Variants in EXOC4 observed in about 807,000 individuals in gnomAD.
EXOC4 encodes the protein exocyst complex component 4.
A neutral mutation model predicts 107.2 loss-of-function variants in EXOC4; 71 were observed. The observed-to-expected ratio is 0.66, with a 90% CI of 0.55 to 0.81. EXOC4 has a LOEUF of 0.81. Among genes scored for constraint, EXOC4 ranks in the 30% least tolerant of loss-of-function variants. EXOC4 has a pLI of 0.00. For missense variants in EXOC4, 1,108 were observed against 1,189.6 expected, an observed-to-expected ratio of 0.93 and a Z score of 1.01; for synonymous variants, 456 against 441.2, an observed-to-expected ratio of 1.03 and a Z score of -0.42.
chr7:133,882,979 A>G (rs572336908), intron 11 of EXOC4, among the ~76,000 whole-genome samples: 3 of 152,278 alleles, frequency 2.0e-5, no homozygotes, highest in South Asian at 2.1e-4. Flanking sequence ...GAATTTTTCC[A>G]TACATTTTTA....
chr7:133,914,707 T>A (rs1585244768), intron 12 of EXOC4, among the ~76,000 whole-genome samples: 1 of 152,234 alleles, frequency 6.6e-6, no homozygotes, highest in South Asian at 2.1e-4. Flanking sequence ...AAGAGGCAAA[T>A]GCAGACTACG....
At chr7:133,281,309 T>A (rs1231864941) in intron 2 of EXOC4, among the ~76,000 whole-genome samples, 6 of 134,782 alleles carry the variant, frequency 4.5e-5, no homozygotes, top group African/African-American at 5.6e-5. Flanking sequence ...AATAAATAAA[T>A]AAAAAGAAAA....
intron 17 of EXOC4, among the ~76,000 whole-genome samples, chr7:134,026,430 A>T (rs1795138752): frequency 6.6e-6 from 1 of 151,372 alleles, no homozygotes; most frequent in East Asian, 1.9e-4. Flanking sequence ...CAAATCACCC[A>T]CCTGCACCTG....
At chr7:133,661,672 T>TAAAAAA (rs1177627198) in intron 10 of EXOC4, among the ~76,000 whole-genome samples, 137 of 13,316 alleles carry the variant, frequency 0.01, 1 homozygote, top group Non-Finnish European at 0.013. Context: ...TCCTTAAAAC[T>TAAAAAA]AAAAAAAAAA....
intron 10 of EXOC4, among the ~76,000 whole-genome samples, chr7:133,737,535 C>T (rs1795469524): frequency 6.6e-6 from 1 of 151,844 alleles, no homozygotes; most frequent in Non-Finnish European, 1.5e-5. Context: ...TGTTATTAGA[C>T]TTCCAAATTC....
chr7:133,379,370 A>G (rs1796562888), intron 7 of EXOC4, among the ~76,000 whole-genome samples: 1 of 152,008 alleles, frequency 6.6e-6, no homozygotes, highest in African/African-American at 2.4e-5. Flanking sequence ...AAAAATATGT[A>G]TCTCTCCCCT....
At chr7:133,330,647 GCACAGTCCCT>G (rs58220744) in intron 5 of EXOC4, among the ~76,000 whole-genome samples, 97,482 of 150,218 alleles carry the variant, frequency 0.65, 34,282 homozygotes, top group East Asian at 0.84. Flanking sequence ...TCACGGCACG[GCACAGTCCCT>G]CACAGTCCCT....
chr7:133,448,902 C>T (rs1388600019), intron 7 of EXOC4, among the ~76,000 whole-genome samples: 9 of 151,960 alleles, frequency 5.9e-5, no homozygotes, highest in Non-Finnish European at 8.8e-5. Context: ...GTCAAGAGTT[C>T]GAGACCAGCC....
At chr7:133,434,676 A>C (rs1421953527) in intron 7 of EXOC4, among the ~76,000 whole-genome samples, 1 of 152,182 alleles carries the variant, frequency 6.6e-6, no homozygotes, top group Non-Finnish European at 1.5e-5. Flanking sequence ...TACACCATTG[A>C]TGTTGCTTCA....
intron 10 of EXOC4, among the ~76,000 whole-genome samples, chr7:133,714,548 G>GC (rs947102390): frequency 1.3e-5 from 2 of 151,950 alleles, no homozygotes; most frequent in Non-Finnish European, 2.9e-5. Flanking sequence ...GTAACAATTG[G>GC]CCCCCCATAT....
At chr7:133,963,544 G>A (rs1800994450) in intron 14 of EXOC4, among the ~76,000 whole-genome samples, 1 of 152,124 alleles carries the variant, frequency 6.6e-6, no homozygotes. Context: ...TAGATGTTGT[G>A]GGCCTCAGAA....
chr7:133,616,047 C>T (rs146798964), intron 9 of EXOC4, among the ~76,000 whole-genome samples: 13 of 152,174 alleles, frequency 8.5e-5, no homozygotes, highest in Non-Finnish European at 1.9e-4. Flanking sequence ...TATGTGTTAC[C>T]ATTGCCAGTC....
intron 10 of EXOC4, among the ~76,000 whole-genome samples, chr7:133,769,004 G>A (rs771837537): frequency 9.2e-5 from 14 of 151,966 alleles, no homozygotes; most frequent in Admixed American, 3.9e-4. Flanking sequence ...CCTATGTGCC[G>A]TTAACGTGCA....
At chr7:133,597,004 C>A (rs1287541096) in intron 9 of EXOC4, among the ~76,000 whole-genome samples, 4 of 152,122 alleles carry the variant, frequency 2.6e-5, no homozygotes, top group African/African-American at 7.2e-5. Context: ...AGGTTGACAG[C>A]CAAATTTTTA....
intron 12 of EXOC4, among the ~76,000 whole-genome samples, chr7:133,912,737 A>G (rs6969899): frequency 0.47 from 71,490 of 152,010 alleles, 18,210 homozygotes; most frequent in African/African-American, 0.66. Flanking sequence ...TCATCATCCA[A>G]TATGGGATTC....
At chr7:133,765,111 C>G (rs972359038) in intron 10 of EXOC4, among the ~76,000 whole-genome samples, 1 of 152,038 alleles carries the variant, frequency 6.6e-6, no homozygotes, top group African/African-American at 2.4e-5. Context: ...TAGGCTGTTG[C>G]TGCTATCTTT....
intron 14 of EXOC4, among the ~76,000 whole-genome samples, chr7:133,947,548 C>CT (rs1382304703): frequency 6.6e-6 from 1 of 152,146 alleles, no homozygotes; most frequent in Non-Finnish European, 1.5e-5. Flanking sequence ...CAAGGCTCAG[C>CT]TATTGTTGAA....
At chr7:133,956,745 A>G (rs1471765270) in intron 14 of EXOC4, among the ~76,000 whole-genome samples, 6 of 152,344 alleles carry the variant, frequency 3.9e-5, no homozygotes, top group South Asian at 4.1e-4. Context: ...GCCATATCCT[A>G]TCAGTCAGTG....
chr7:133,769,192 G>C (rs1796197361), intron 10 of EXOC4, among the ~76,000 whole-genome samples: 2 of 151,992 alleles, frequency 1.3e-5, no homozygotes, highest in African/African-American at 2.4e-5. Context: ...TTTCCACCAT[G>C]GCACACGTAT....
Sources: gnomAD v4.1 joint callset for allele counts (sites outside exome capture counted in the v4.1 genomes callset) on GRCh38, gnomAD v4.1.1 for gene constraint, MANE v1.5 for transcripts, NCBI Gene and HGNC (gene_info 2026-07-23, HGNC 2026-07-21) for gene names.